Variants in MAN1A1 observed in about 807,000 individuals in gnomAD.
MAN1A1 encodes mannosidase alpha class 1A member 1, also known as mannosyl-oligosaccharide 1,2-alpha-mannosidase IA.
In MAN1A1, 29 loss-of-function variants were observed where a neutral mutation model predicts 70.8. The observed-to-expected ratio is 0.41, with a 90% CI of 0.31 to 0.56. MAN1A1 has a LOEUF of 0.56. Ranked by LOEUF, MAN1A1 falls within the 20% of genes least tolerant of loss-of-function variation. The pLI, the probability that MAN1A1 is intolerant of heterozygous loss-of-function variation, is 0.29. For synonymous variants in MAN1A1, 349 were observed against 330.1 expected, an observed-to-expected ratio of 1.06 and a Z score of -0.62; for missense variants, 747 against 841.3, an observed-to-expected ratio of 0.89 and a Z score of 1.39.
chr6:119,347,102 G>A (rs1410222956), intron 2 of MAN1A1, among the ~76,000 whole-genome samples: 1 of 152,172 alleles, frequency 6.6e-6, no homozygotes, highest in Non-Finnish European at 1.5e-5. Context: ...GATGGACTGT[G>A]GAAGGAAGCT....
intron 6 of MAN1A1, among the ~76,000 whole-genome samples, chr6:119,220,476 T>C (rs1774329377): frequency 6.6e-6 from 1 of 152,210 alleles, no homozygotes; most frequent in Admixed American, 6.5e-5. Flanking sequence ...ATATAACCAA[T>C]GTTAAACTTC....
Position 119,222,622 on chromosome 6 carries a change from C to T in MAN1A1, c.993-17740G>A, listed in dbSNP as rs141371273. 5.9e-5 allele frequency among the ~76,000 whole-genome samples: 9 copies of T among 152,238 alleles called. No individual in the cohort carries two copies. The East Asian group carries it at 7.7e-4, about 13-fold the overall frequency. On this transcript the variant is annotated intron_variant, in intron 6 of 12. Coordinates refer to ENST00000368468, the MANE Select transcript of MAN1A1 (RefSeq NM_005907.4). ...GATTACAGGCATGAGCCACTATGCC[C>T]GGTCCACCTTTCATCTTTACGAAAC...
At chr6:119,290,398 A>G (rs2114417218) in intron 5 of MAN1A1, among the ~76,000 whole-genome samples, 1 of 152,182 alleles carries the variant, frequency 6.6e-6, no homozygotes, top group East Asian at 1.9e-4. Flanking sequence ...TAATTTGTCC[A>G]TAGGCACATA....
At chr6:119,183,314 C>T (rs185489978) in intron 11 of MAN1A1, among the ~76,000 whole-genome samples, 1 of 152,268 alleles carries the variant, frequency 6.6e-6, no homozygotes, top group Admixed American at 6.5e-5. Context: ...AAAACAGATG[C>T]TTCGATTAAA....
Position 119,189,750 on chromosome 6 carries a change from T to C in MAN1A1, c.1460A>G (p.Asp487Gly), listed in dbSNP as rs1236866751. ...FAGGMFALGADAAPEGMAQHY... is the reference protein window; with the variant it reads ...FAGGMFALGAGAAPEGMAQHY... Reference sequence around the variant, plus strand: ...TTGGGCCATGCCTTCGGGAGCTGCATCAGCCCCGAGTGCGAACATGCCCCC... The same window carrying C: ...TTGGGCCATGCCTTCGGGAGCTGCACCAGCCCCGAGTGCGAACATGCCCCC... Residue 487 changes from aspartate to glycine, a missense_variant, in exon 10 of 13, where the codon GAT becomes GGT. Around this residue, in one of 2 missense-constraint regions of MAN1A1, gnomAD observed 419 missense variants for 548.2 expected, o/e 0.76. Transcript: ENST00000368468. 6 of 1,614,088 alleles carry C rather than the reference T, an allele frequency of 3.7e-6. No individual in the cohort carries two copies. Among genetic ancestry groups the C allele is most frequent in the Non-Finnish European group, 5.1e-6 (6 of 1,180,002 alleles).
chr6:119,179,899 G>A lies in MAN1A1; in HGVS notation c.1882C>T (p.His628Tyr), dbSNP rs1344127803. The A allele has an allele frequency of 6.2e-7, 1 of 1,613,362 alleles. No homozygotes were observed. Among genetic ancestry groups the A allele is most frequent in the East Asian group, 2.2e-5 (1 of 44,862 alleles). ...TGTGCCTCGCTATTGAAGATCCAAT[G>A]CTCCAGTGGAAGAAGATCGTCGTCA... Reference protein sequence around the residue: ...FSDDDLLPLEHWIFNSEAHLL... With the variant: ...FSDDDLLPLEYWIFNSEAHLL... Residue 628 changes from histidine to tyrosine, a missense_variant, in exon 13 of 13, where the codon CAT becomes TAT. By Grantham distance (83) the His-to-Tyr change is moderately conservative. This residue lies in a region of MAN1A1 where 419 missense variants were observed against 548.2 expected (regional missense o/e 0.76). Transcript: ENST00000368468.
chr6:119,338,906 G>A (rs1317465888), intron 2 of MAN1A1, among the ~76,000 whole-genome samples: 1 of 152,088 alleles, frequency 6.6e-6, no homozygotes, highest in Non-Finnish European at 1.5e-5. Context: ...TCGCCTTCAG[G>A]ACTTTGCCTC....
intron 2 of MAN1A1, among the ~76,000 whole-genome samples, chr6:119,332,305 C>A (rs1452264345): frequency 5.3e-5 from 8 of 152,002 alleles, no homozygotes; most frequent in Non-Finnish European, 1.0e-4. Flanking sequence ...AATTAAGGAG[C>A]CACTCTCAGA....
chr6:119,238,279 A>G (rs1303454985), intron 6 of MAN1A1, among the ~76,000 whole-genome samples: 1 of 152,202 alleles, frequency 6.6e-6, no homozygotes, highest in Non-Finnish European at 1.5e-5. Context: ...AGAACATGTA[A>G]TTGTTTTGTC....
chr6:119,233,064 C>T (rs1774732345), intron 6 of MAN1A1, among the ~76,000 whole-genome samples: 1 of 152,132 alleles, frequency 6.6e-6, no homozygotes, highest in South Asian at 2.1e-4. Context: ...GACTCAGAAA[C>T]TCAGATTAGT....
chr6:119,303,993 C>G (rs529863139), intron 3 of MAN1A1, among the ~76,000 whole-genome samples: 4 of 152,324 alleles, frequency 2.6e-5, no homozygotes, highest in South Asian at 4.1e-4. Context: ...ATCCTGCACT[C>G]AGGAGCACAA....
intron 5 of MAN1A1, among the ~76,000 whole-genome samples, chr6:119,262,290 C>T (rs1158602126): frequency 2.0e-5 from 3 of 152,038 alleles, no homozygotes; most frequent in African/African-American, 7.2e-5. Flanking sequence ...AAACCAGTAC[C>T]ATTGAGGGCA....
At chr6:119,275,751 T>A (rs1776044343) in intron 5 of MAN1A1, among the ~76,000 whole-genome samples, 2 of 152,180 alleles carry the variant, frequency 1.3e-5, no homozygotes, top group South Asian at 4.1e-4. Flanking sequence ...AACTGCTATT[T>A]CATTTTTATG....
chr6:119,322,891 G>A (rs759297189), intron 2 of MAN1A1, among the ~76,000 whole-genome samples: 4 of 152,166 alleles, frequency 2.6e-5, no homozygotes, highest in African/African-American at 9.7e-5. Context: ...CTTTGATGTG[G>A]TGCTCAGCAC....
intron 6 of MAN1A1, among the ~76,000 whole-genome samples, chr6:119,218,674 CA>C (rs957875831): frequency 1.3e-5 from 2 of 152,014 alleles, no homozygotes; most frequent in Non-Finnish European, 2.9e-5. Flanking sequence ...TCCCACATCT[CA>C]AAGCTGTGCA....
intron 5 of MAN1A1, among the ~76,000 whole-genome samples, chr6:119,252,298 G>A (rs541592734): frequency 1.2e-4 from 19 of 152,196 alleles, no homozygotes; most frequent in South Asian, 4.2e-4. Flanking sequence ...GGCATTTCTC[G>A]CTTTATTAAT....
At chr6:119,330,961 T>C (rs1773294187) in intron 2 of MAN1A1, among the ~76,000 whole-genome samples, 1 of 152,212 alleles carries the variant, frequency 6.6e-6, no homozygotes, top group Non-Finnish European at 1.5e-5. Flanking sequence ...TTGGGCTCCA[T>C]GTGGGCAGTG....
intron 6 of MAN1A1, among the ~76,000 whole-genome samples, chr6:119,222,872 T>C (rs1468965217): frequency 6.6e-6 from 1 of 152,180 alleles, no homozygotes; most frequent in African/African-American, 2.4e-5. Context: ...ATCTCTCTCC[T>C]TCCTGACCTT....
chr6:119,337,083 A>G (rs536760147), intron 2 of MAN1A1, among the ~76,000 whole-genome samples: 3 of 152,344 alleles, frequency 2.0e-5, no homozygotes, highest in South Asian at 4.1e-4. Flanking sequence ...GTATTTGGTC[A>G]AAAGACTTTT....
Sources: allele counts gnomAD v4.1 joint callset (sites outside exome capture counted in the v4.1 genomes callset), GRCh38; gene constraint gnomAD v4.1.1; regional missense constraint gnomAD v4.1.1; transcripts MANE v1.5; gene names NCBI Gene and HGNC (gene_info 2026-07-23, HGNC 2026-07-21).